ADCY5: variants seen among roughly 807,000 people sequenced by gnomAD.
ADCY5 encodes adenylate cyclase 5.
ADCY5 carries 30 observed loss-of-function variants against 119.7 expected under a neutral mutation model. That is an observed-to-expected ratio of 0.25 (90% CI 0.19 to 0.34). The LOEUF (loss-of-function observed/expected upper bound fraction) is 0.34. ADCY5 is among the 10% of genes least tolerant of loss of function. The pLI is 1.00. For missense variants in ADCY5, 1,324 were observed against 1,775.2 expected, an observed-to-expected ratio of 0.75 and a Z score of 4.57; for synonymous variants, 753 against 762.2, an observed-to-expected ratio of 0.99 and a Z score of 0.20.
intron 4 of ADCY5, 32 bp downstream of exon 4, chr3:123,332,532 G>C: frequency 6.5e-7 from 1 of 1,546,518 alleles, no homozygotes; most frequent in Non-Finnish European, 8.9e-7. Context: ...CCCAGGTCAG[G>C]CCACCCCAAC....
intron 1 of ADCY5, among the ~76,000 whole-genome samples, chr3:123,401,493 G>T (rs1269467413): frequency 6.6e-6 from 1 of 152,212 alleles, no homozygotes; most frequent in Non-Finnish European, 1.5e-5. Context: ...CATCCTTGGA[G>T]CCCACATAGT....
intron 1 of ADCY5, among the ~76,000 whole-genome samples, chr3:123,443,757 C>T (rs540553451): frequency 6.6e-6 from 1 of 152,304 alleles, no homozygotes; most frequent in South Asian, 2.1e-4. Flanking sequence ...CTAGTGGCTC[C>T]CCCAAGCTCA....
At chr3:123,291,985 A>C (rs144491222) in intron 17 of ADCY5, among the ~76,000 whole-genome samples, 5 of 152,200 alleles carry the variant, frequency 3.3e-5, no homozygotes, top group African/African-American at 1.2e-4. Flanking sequence ...ATCACCAGTG[A>C]CTTTGGTTTT....
intron 12 of ADCY5, among the ~76,000 whole-genome samples, chr3:123,308,845 A>C (rs116462240): frequency 1.3e-4 from 4 of 31,910 alleles, no homozygotes; most frequent in Non-Finnish European, 2.2e-4. Context: ...AAACAAACAA[A>C]AAGAAAAAAC....
intron 1 of ADCY5, among the ~76,000 whole-genome samples, chr3:123,435,852 T>TTA (rs1162109928): frequency 3.1e-5 from 1 of 32,058 alleles, no homozygotes; most frequent in East Asian, 1.2e-3. Context: ...AAGAGCCCTT[T>TTA]TATTATTATT....
At chr3:123,440,058 T>C (rs937251753) in intron 1 of ADCY5, among the ~76,000 whole-genome samples, 3 of 152,224 alleles carry the variant, frequency 2.0e-5, no homozygotes, top group Admixed American at 6.5e-5. Flanking sequence ...TGTGGAGGTG[T>C]TGGTCTAGCA....
chr3:123,431,494 T>C (rs1945522650), intron 1 of ADCY5, among the ~76,000 whole-genome samples: 2 of 152,204 alleles, frequency 1.3e-5, no homozygotes. Flanking sequence ...AGAGTTAATA[T>C]TTGACGGATC....
chr3:123,356,108 A>C (rs1204597477), intron 1 of ADCY5, among the ~76,000 whole-genome samples: 1 of 152,196 alleles, frequency 6.6e-6, no homozygotes. Flanking sequence ...CAAAAGAATG[A>C]AGCTGGACTC....
At chr3:123,416,231 C>T in intron 1 of ADCY5, 1 of 1,536,178 alleles carries the variant, frequency 6.5e-7, no homozygotes, top group Non-Finnish European at 8.7e-7. Flanking sequence ...ATGGACAGGT[C>T]ACCTCTGCTG....
chr3:123,309,320 T>C (rs563202788), intron 12 of ADCY5, among the ~76,000 whole-genome samples: 2 of 152,014 alleles, frequency 1.3e-5, no homozygotes, highest in Non-Finnish European at 2.9e-5. Flanking sequence ...GAAAAAAAGG[T>C]AAGAAAACCA....
At chr3:123,346,804 C>T (rs530137091) in intron 3 of ADCY5, among the ~76,000 whole-genome samples, 4 of 152,142 alleles carry the variant, frequency 2.6e-5, no homozygotes, top group African/African-American at 9.7e-5. Flanking sequence ...AGGAACTCTC[C>T]GGAAGGCAAA....
chr3:123,367,097 C>T (rs1943468076), intron 1 of ADCY5, among the ~76,000 whole-genome samples: 1 of 152,214 alleles, frequency 6.6e-6, no homozygotes, highest in South Asian at 2.1e-4. Context: ...ACCTGGAAGT[C>T]GTACAAAAGT....
chr3:123,405,619 A>G (rs1944878768), intron 1 of ADCY5, among the ~76,000 whole-genome samples: 1 of 151,840 alleles, frequency 6.6e-6, no homozygotes, highest in Non-Finnish European at 1.5e-5. Context: ...ATTTTATTTT[A>G]TTTTACTCCA....
At chr3:123,305,749 T>C (rs1940163567) in intron 12 of ADCY5, among the ~76,000 whole-genome samples, 1 of 152,208 alleles carries the variant, frequency 6.6e-6, no homozygotes, top group Non-Finnish European at 1.5e-5. Context: ...GGCTTGGGGC[T>C]GGCTGTGTGC....
chr3:123,337,439 T>A (rs1443007777), intron 3 of ADCY5, among the ~76,000 whole-genome samples: 2 of 152,310 alleles, frequency 1.3e-5, no homozygotes, highest in South Asian at 4.1e-4. Flanking sequence ...AAACAACAGA[T>A]TTTTATTGTC....
intron 1 of ADCY5, among the ~76,000 whole-genome samples, chr3:123,356,295 T>C (rs541446946): frequency 2.0e-5 from 3 of 152,300 alleles, no homozygotes; most frequent in South Asian, 4.1e-4. Context: ...AAAAAATAAA[T>C]TGAACTTCAT....
chr3:123,365,426 C>T (rs1943397591), intron 1 of ADCY5, among the ~76,000 whole-genome samples: 1 of 152,158 alleles, frequency 6.6e-6, no homozygotes, highest in Admixed American at 6.5e-5. Flanking sequence ...TAAAAGAGGG[C>T]TGTGGAAATA....
chr3:123,429,703 T>A (rs1381049546), intron 1 of ADCY5, among the ~76,000 whole-genome samples: 5 of 152,106 alleles, frequency 3.3e-5, no homozygotes, highest in Admixed American at 3.3e-4. Flanking sequence ...GGGGCAGGTG[T>A]AGTCAGGGGA....
chr3:123,341,532 A>G (rs1047665274), intron 3 of ADCY5, among the ~76,000 whole-genome samples: 1 of 152,008 alleles, frequency 6.6e-6, no homozygotes, highest in Non-Finnish European at 1.5e-5. Context: ...TTGGGAAAAT[A>G]AAAAAAGTTC....
Sources: allele counts gnomAD v4.1 joint callset (sites outside exome capture counted in the v4.1 genomes callset), GRCh38; gene constraint gnomAD v4.1.1; transcripts MANE v1.5; gene names NCBI Gene and HGNC (gene_info 2026-07-23, HGNC 2026-07-21).